SST: variants seen among roughly 807,000 people sequenced by gnomAD.
SST encodes somatostatin.
Under a neutral mutation model 10.4 loss-of-function variants are expected in SST, and 7 were observed. The ratio of observed to expected loss-of-function variants is 0.67; its 90% CI spans 0.38 to 1.26. The LOEUF is 1.26. Ranked by LOEUF, SST falls within the 50% of genes most tolerant of loss-of-function variation. The pLI is 0.02. For synonymous variants in SST, 63 were observed against 63.9 expected, an observed-to-expected ratio of 0.99 and a Z score of 0.07; for missense variants, 145 against 140.8, an observed-to-expected ratio of 1.03 and a Z score of -0.15.
At chr3:187,669,824 C>G (rs1021312283) in intron 1 of SST, among the ~76,000 whole-genome samples, 3 of 152,174 alleles carry the variant, frequency 2.0e-5, no homozygotes, top group Non-Finnish European at 4.4e-5. Context: ...GTTTCAGCAC[C>G]TGGGTCAGCG....
rs997029887 is a variant in SST at position 187,668,949 on chromosome 3, C to G, written c.*116G>C. The stretch of plus-strand genomic sequence containing the variant: ...TCACCATAATTTTATTTTGTATTTA[C>G]AGTTTTCAGTTTCTAATGCAAGGGT... On this transcript the variant is annotated 3_prime_UTR_variant, in exon 2 of 2. Transcript: ENST00000287641. The G allele has an allele frequency of 3.3e-6, 3 of 912,896 alleles. No homozygotes were observed. In the Admixed American group the frequency reaches 6.4e-5, roughly 19 times the overall value. The allele number at this position is 912,896 out of a possible 1,614,324, so 56.5% of individuals were successfully genotyped here. A position where few individuals can be genotyped will look rare whatever the true frequency, so the allele number is the denominator to read the frequency against.
Position 187,670,320 on chromosome 3 carries a change from G to C in SST, c.-29C>G, listed in dbSNP as rs1717210319. On this transcript the variant is annotated 5_prime_UTR_variant, in exon 1 of 2. Transcript: ENST00000287641. Reference sequence around the variant, plus strand: ...GGCGCCGCGAAAGCCGAGCTGGAGAGTGGCTGGTCAAACTCTAGGCGCGGA... The same window carrying C: ...GGCGCCGCGAAAGCCGAGCTGGAGACTGGCTGGTCAAACTCTAGGCGCGGA... The C allele has an allele frequency of 6.4e-7, 1 of 1,556,766 alleles. No homozygotes were observed. The highest frequency in any genetic ancestry group is 1.4e-5 in the African/African-American group (1 of 73,598).
At chr3:187,669,305 G>T in intron 1 of SST, 28 bp from the exon 2 acceptor site, 2 of 1,604,876 alleles carry the variant, frequency 1.2e-6, no homozygotes, top group Non-Finnish European at 1.7e-6. Context: ...GATAGAAAAA[G>T]AGAGAAAGAG....
chr3:187,669,549 C>CACACAA (rs1384942053), intron 1 of SST, among the ~76,000 whole-genome samples: 1 of 137,786 alleles, frequency 7.3e-6, no homozygotes, highest in Non-Finnish European at 1.5e-5. Flanking sequence ...CACACACACA[C>CACACAA]ACACGCACAA....
chr3:187,670,259 A>C lies in SST; in HGVS notation c.33T>G (p.Ala11=). Residue 11 remains alanine (A), a synonymous_variant, in exon 1 of 2, where the codon GCT becomes GCG. Transcript: ENST00000287641. MLSCRLQCAL[A]ALSIVLALGC... The stretch of plus-strand genomic sequence containing the variant: ...CCAGGGCCAGGACGATGGACAGCGC[A>C]GCCAGCGCGCACTGGAGGCGGCAGG... 1.3e-6 allele frequency: 2 copies of C among 1,593,376 alleles called. No individual in the cohort carries two copies. The highest frequency in any genetic ancestry group is 1.7e-6 in the Non-Finnish European group (2 of 1,170,008).
In SST at chr3:187,670,145, TCTCC is replaced by T; in HGVS notation, c.138+5_138+8del. On this transcript the variant is annotated splice_donor_5th_base_variant and intron_variant, in intron 1 of 1. Transcript: ENST00000287641. Reference sequence around the variant, plus strand: ...GAGAATCCGGGAGACGTCGAGGGAGTCTCCTTACCTGCTTCCCCGCGGCAGCAGC... The same window carrying T: ...GAGAATCCGGGAGACGTCGAGGGAGTTTACCTGCTTCCCCGCGGCAGCAGC... 1 of 1,580,578 alleles carries T rather than the reference TCTCC, an allele frequency of 6.3e-7. No homozygotes were observed. The highest frequency in any genetic ancestry group is 8.6e-7 in the Non-Finnish European group (1 of 1,163,488).
At chr3:187,669,946 C>T (rs1473424210) in intron 1 of SST, among the ~76,000 whole-genome samples, 1 of 152,110 alleles carries the variant, frequency 6.6e-6, no homozygotes, top group Non-Finnish European at 1.5e-5. Context: ...GAACTGTGAC[C>T]GACTGCGCTT....
In SST at chr3:187,670,334, T is replaced by C; in HGVS notation, c.-43A>G. On this transcript the variant is annotated 5_prime_UTR_variant, in exon 1 of 2. Coordinates refer to ENST00000287641, the MANE Select transcript of SST (RefSeq NM_001048.4). The stretch of plus-strand genomic sequence containing the variant: ...CGAGCTGGAGAGTGGCTGGTCAAAC[T>C]CTAGGCGCGGATCAGCAGGCAGCAG... 6.5e-7 allele frequency: 1 copy of C among 1,541,606 alleles called. No individual in the cohort carries two copies. Among genetic ancestry groups the C allele is most frequent in the Admixed American group, 2.0e-5 (1 of 51,056 alleles).
Position 187,670,162 on chromosome 3 carries a change from C to G in SST, c.130G>C (p.Gly44Arg). The G allele has an allele frequency of 6.3e-7, 1 of 1,588,386 alleles. No individual in the cohort carries two copies. Among genetic ancestry groups the G allele is most frequent in the East Asian group, 2.3e-5 (1 of 43,440 alleles). ...FLQKSLAAAA[G>R]KQELAKYFLA... ...CGAGGGAGTCTCCTTACCTGCTTCCCCGCGGCAGCAGCCAGGGACTTCTGC... is the reference window on the plus strand; with the variant it reads ...CGAGGGAGTCTCCTTACCTGCTTCCGCGCGGCAGCAGCCAGGGACTTCTGC... The change falls in exon 1 of 2, where the codon GGG (glycine) becomes CGG (arginine). Residue 44 changes from glycine (G) to arginine (R), a missense_variant. Gly to Arg is a moderately radical substitution (Grantham distance 125). Transcript: ENST00000287641.
In SST at chr3:187,669,265, A is replaced by G. The variant is rs1341576465; in HGVS notation, c.151T>C (p.Tyr51His). Residue 51 changes from tyrosine (Y) to histidine (H), a missense_variant, in exon 2 of 2, where the codon TAC becomes CAC. By Grantham distance (83) the Tyr-to-His change is moderately conservative (BLOSUM62 2). Transcript: ENST00000287641. ...AAAGKQELAK[Y>H]FLAELLSEPN... ...TCAGACAGCAGCTCTGCCAAGAAGT[A>G]CTTGGCCAGTTCCTGTATAGGGCAG... 2.5e-6 allele frequency: 4 copies of G among 1,613,686 alleles called. No individual in the cohort carries two copies. The highest frequency in any genetic ancestry group is 3.4e-6 in the Non-Finnish European group (4 of 1,179,982).
rs1432148122 is a variant in SST at position 187,669,208 on chromosome 3, G to T, written c.208C>A (p.Pro70Thr). ...PNQTENDALE[P>T]EDLSQAAEQD... ...TCAGCAGCCTGGGACAGATCTTCAG[G>T]TTCCAGGGCATCATTCTCCGTCTGG... The change falls in exon 2 of 2, where the codon CCT becomes ACT. Residue 70 changes from proline (P) to threonine (T), a missense_variant. Transcript: ENST00000287641. 5 of 1,613,846 alleles carry T rather than the reference G, an allele frequency of 3.1e-6. No individual in the cohort carries two copies. The highest frequency in any genetic ancestry group is 1.3e-5 in the African/African-American group (1 of 74,860).
chr3:187,669,953 G>A (rs1184064676), intron 1 of SST, among the ~76,000 whole-genome samples: 1 of 152,094 alleles, frequency 6.6e-6, no homozygotes, highest in African/African-American at 2.4e-5. Flanking sequence ...GACCGACTGC[G>A]CTTATCATGG....
rs144453029 is a variant in SST, at chr3:187,669,233, G to A, written c.183C>T (p.Asn61=). The A allele has an allele frequency of 6.2e-7, 1 of 1,613,892 alleles. No individual in the cohort carries two copies. The highest frequency in any genetic ancestry group is 2.2e-5 in the East Asian group (1 of 44,884). ...YFLAELLSEP[N]QTENDALEPE... is the part of the protein sequence containing the mutation. ...GTTCCAGGGCATCATTCTCCGTCTG[G>A]TTGGGTTCAGACAGCAGCTCTGCCA... The change falls in exon 2 of 2, where the codon AAC becomes AAT. Residue 61 remains asparagine, a synonymous_variant. Coordinates refer to ENST00000287641, the MANE Select transcript of SST (RefSeq NM_001048.4).
rs113347276 is a variant in SST, at chr3:187,669,010, G to A, written c.*55C>T. ...ACTTGGAGGATTAGGGAAGAGAGAT[G>A]GGGTGTGGGGGCGAGGGATCAGAGG... On this transcript the variant is annotated 3_prime_UTR_variant, in exon 2 of 2. Transcript: ENST00000287641. 1.3e-6 allele frequency: 2 copies of A among 1,523,244 alleles called. No individual in the cohort carries two copies. Among genetic ancestry groups the A allele is most frequent in the Non-Finnish European group, 9.1e-7 (1 of 1,097,984 alleles). 94.4% of individuals were successfully genotyped at this position (1,523,244 alleles called of 1,614,324 possible).
chr3:187,669,338 A>C, intron 1 of SST, 61 bp from the exon 2 acceptor site: 1 of 1,526,058 alleles, frequency 6.6e-7, no homozygotes, highest in Non-Finnish European at 9.0e-7. Context: ...CAATGGAAAA[A>C]ATTTGAAAAG....
Position 187,668,967 on chromosome 3 carries a change from G to T in SST, c.*98C>A. The T allele has an allele frequency of 1.8e-6, 2 of 1,101,464 alleles. No individual in the cohort carries two copies. The highest frequency in any genetic ancestry group is 2.7e-6 in the Non-Finnish European group (2 of 729,380). 68.2% of individuals were successfully genotyped at this position (1,101,464 alleles called of 1,614,324 possible). On this transcript the variant is annotated 3_prime_UTR_variant, in exon 2 of 2. Coordinates refer to ENST00000287641, the MANE Select transcript of SST (RefSeq NM_001048.4). ...GTATTTACAGTTTTCAGTTTCTAAT[G>T]CAAGGGTCTCGCTGAAGACTTGGAG...
chr3:187,669,550 A>G (rs1031898372), intron 1 of SST, among the ~76,000 whole-genome samples: 2 of 131,800 alleles, frequency 1.5e-5, no homozygotes, highest in Admixed American at 7.4e-5. Context: ...ACACACACAC[A>G]CACGCACAAA....
intron 1 of SST, among the ~76,000 whole-genome samples, chr3:187,669,558 A>ACG (rs762847046): frequency 0.023 from 2,854 of 125,712 alleles, 35 homozygotes; most frequent in Non-Finnish European, 0.032. Flanking sequence ...ACACACGCAC[A>ACG]AACACACACA....
intron 1 of SST, 48 bp from the exon 2 acceptor site, chr3:187,669,325 G>A (rs2108532662): frequency 6.4e-7 from 1 of 1,560,124 alleles, no homozygotes; most frequent in Non-Finnish European, 8.7e-7. Flanking sequence ...GAAGTGGGGA[G>A]GACAATGGAA....
Sources: gnomAD v4.1 joint callset for allele counts (sites outside exome capture counted in the v4.1 genomes callset) on GRCh38, gnomAD v4.1.1 for gene constraint, MANE v1.5 for transcripts, NCBI Gene and HGNC (gene_info 2026-07-23, HGNC 2026-07-21) for gene names.